OPCML: variants seen among roughly 807,000 people sequenced by gnomAD.
OPCML encodes opioid-binding protein/cell adhesion molecule.
Under a neutral mutation model 37.8 loss-of-function variants are expected in OPCML, and 13 were observed. That is an observed-to-expected ratio of 0.34 (90% CI 0.22 to 0.55). OPCML has a LOEUF of 0.55. Ranked by LOEUF, OPCML falls within the 20% of genes least tolerant of loss-of-function variation. The pLI, the probability that OPCML is intolerant of heterozygous loss-of-function variation, is 0.91. For missense variants in OPCML, 341 were observed against 435.6 expected, an observed-to-expected ratio of 0.78 and a Z score of 1.93; for synonymous variants, 176 against 168.8, an observed-to-expected ratio of 1.04 and a Z score of -0.33.
chr11:132,788,787 G>A (rs1027135997), intron 2 of OPCML, among the ~76,000 whole-genome samples: 1 of 152,190 alleles, frequency 6.6e-6, no homozygotes, highest in Non-Finnish European at 1.5e-5. Context: ...CTGGTAAGGG[G>A]CAGAGCTGAG....
chr11:132,495,718 C>T (rs572745016), intron 4 of OPCML, among the ~76,000 whole-genome samples: 166 of 152,002 alleles, frequency 1.1e-3, no homozygotes, highest in Non-Finnish European at 2.1e-3. Context: ...AGTGAAAACC[C>T]GTCTCCACTA....
chr11:133,323,371 C>T (rs1319008382), intron 1 of OPCML, among the ~76,000 whole-genome samples: 2 of 152,200 alleles, frequency 1.3e-5, no homozygotes, highest in African/African-American at 4.8e-5. Context: ...GATGAAATCA[C>T]TGCTTGGAAT....
intron 1 of OPCML, among the ~76,000 whole-genome samples, chr11:133,487,146 G>A (rs1357785510): frequency 6.6e-6 from 1 of 151,964 alleles, no homozygotes; most frequent in Non-Finnish European, 1.5e-5. Flanking sequence ...CTGGTAAATT[G>A]CAAATCAAAT....
At chr11:132,933,430 G>A (rs1301999636) in intron 2 of OPCML, among the ~76,000 whole-genome samples, 1 of 152,206 alleles carries the variant, frequency 6.6e-6, no homozygotes, top group African/African-American at 2.4e-5. Context: ...AGCAGGCAGA[G>A]AAAGGACAAG....
At chr11:132,652,648 G>A (rs7129456) in intron 3 of OPCML, among the ~76,000 whole-genome samples, 16,206 of 152,176 alleles carry the variant, frequency 0.11, 1,710 homozygotes, top group African/African-American at 0.28. Flanking sequence ...TGAGTCAAAG[G>A]TGACAAACAC....
chr11:133,297,226 G>C (rs975127812), intron 1 of OPCML: 3 of 152,160 alleles, frequency 2.0e-5, no homozygotes, highest in African/African-American at 7.2e-5. Context: ...AGAGAATAAG[G>C]TGGGTTAGAG....
In OPCML at chr11:132,435,517, C is replaced by G. The variant is rs75103628; in HGVS notation, c.916+569G>C. Among the ~76,000 whole-genome samples the G allele has an allele frequency of 1.1e-4, 16 of 152,304 alleles. No homozygotes were observed. In the East Asian group the frequency reaches 3.1e-3, roughly 29 times the overall value. On this transcript the variant is annotated intron_variant, in intron 7 of 7. Coordinates refer to ENST00000524381, the MANE Select transcript of OPCML (RefSeq NM_001012393.5). ...AAATGGAGTTAGGGAGACATAGGGG[C>G]TTTAAAGGAGGTCAGTCCTGGCTCC... is the stretch of plus-strand genomic sequence containing the variant.
intron 1 of OPCML, among the ~76,000 whole-genome samples, chr11:133,521,653 G>T (rs1418709037): frequency 6.6e-6 from 1 of 152,186 alleles, no homozygotes; most frequent in African/African-American, 2.4e-5. Context: ...AGTAAGACTG[G>T]GCACTCTCTC....
chr11:133,242,725 G>A (rs1168576236), intron 1 of OPCML, among the ~76,000 whole-genome samples: 1 of 152,216 alleles, frequency 6.6e-6, no homozygotes, highest in African/African-American at 2.4e-5. Flanking sequence ...ATGAATGTGA[G>A]AAAAGGGGAG....
rs556154586 is a variant in OPCML, at chr11:132,645,720, G to A, written c.379+11367C>T. Among the ~76,000 whole-genome samples, 76 of 152,278 alleles carry A rather than the reference G, an allele frequency of 5.0e-4. No homozygotes were observed. The Middle Eastern group carries it at 0.01, about 20-fold the overall frequency. The stretch of plus-strand genomic sequence containing the variant: ...TAGCAACTCTAAAATTGTGCAATAT[G>A]ATAGCTACTGGTCATGTGTGTCTAT... On this transcript the variant is annotated intron_variant, in intron 3 of 7. Coordinates refer to ENST00000524381, the MANE Select transcript of OPCML (RefSeq NM_001012393.5).
Position 132,770,966 on chromosome 11 carries a change from G to A in OPCML, c.147-113647C>T, listed in dbSNP as rs140897827. 7.6e-4 allele frequency among the ~76,000 whole-genome samples: 116 copies of A among 152,292 alleles called. No individual in the cohort carries two copies. The Middle Eastern group carries it at 0.01, about 13-fold the overall frequency. On this transcript the variant is annotated intron_variant, in intron 2 of 7. Coordinates refer to ENST00000524381, the MANE Select transcript of OPCML (RefSeq NM_001012393.5). ...TGACCCTTAAATCTCTGCCTGCCCA[G>A]AGAGCAGCAGCCCTCACTGTAGCTG...
chr11:133,083,300 C>G (rs562820386), intron 1 of OPCML, among the ~76,000 whole-genome samples: 1 of 152,162 alleles, frequency 6.6e-6, no homozygotes, highest in Non-Finnish European at 1.5e-5. Flanking sequence ...CTCCCAGACC[C>G]GACCCCTCTG....
intron 1 of OPCML, among the ~76,000 whole-genome samples, chr11:132,973,119 AC>A (rs1158831528): frequency 6.6e-6 from 1 of 152,082 alleles, no homozygotes; most frequent in Non-Finnish European, 1.5e-5. Flanking sequence ...TGACTTGACA[AC>A]CTTTTTCTCC....
At chr11:132,669,410 GGGAA>G (rs1942361430) in intron 2 of OPCML, among the ~76,000 whole-genome samples, 1 of 34,768 alleles carries the variant, frequency 2.9e-5, no homozygotes, top group South Asian at 8.3e-4. Flanking sequence ...CCATGGAAAA[GGGAA>G]AAGGGAAAAT....
rs535641316 is a variant in OPCML at position 132,877,611 on chromosome 11, T to C, written c.146+65315A>G. 3.3e-5 allele frequency among the ~76,000 whole-genome samples: 5 copies of C among 152,296 alleles called. No homozygotes were observed. The East Asian group carries it at 9.7e-4, about 29-fold the overall frequency. On this transcript the variant is annotated intron_variant, in intron 2 of 7. Coordinates refer to ENST00000524381, the MANE Select transcript of OPCML (RefSeq NM_001012393.5). ...AGGACCCTCAGATCCCTCTGGAGCA[T>C]CTCCTAGCTGGAGGTTTCAAGTCCT...
intron 3 of OPCML, among the ~76,000 whole-genome samples, chr11:132,576,161 CT>C (rs1033585962): frequency 2.0e-5 from 3 of 151,966 alleles, no homozygotes; most frequent in African/African-American, 7.2e-5. Context: ...TTACTTGTTA[CT>C]TTTTGGTATC....
intron 1 of OPCML, among the ~76,000 whole-genome samples, chr11:133,472,672 T>C (rs183608607): frequency 6.6e-6 from 1 of 151,984 alleles, no homozygotes; most frequent in Admixed American, 6.6e-5. Flanking sequence ...GATCCAGAAA[T>C]AGCCTGTGGC....
chr11:133,111,319 C>T (rs1949250585), intron 1 of OPCML, among the ~76,000 whole-genome samples: 1 of 152,300 alleles, frequency 6.6e-6, no homozygotes, highest in South Asian at 2.1e-4. Context: ...TATGTCCCTT[C>T]ACTGTAATTT....
intron 1 of OPCML, among the ~76,000 whole-genome samples, chr11:133,253,179 C>T (rs1941199418): frequency 1.3e-5 from 2 of 150,492 alleles, no homozygotes; most frequent in African/African-American, 4.9e-5. Context: ...AATAATCTTT[C>T]TCTTTTATAA....
Sources: allele counts gnomAD v4.1 joint callset (sites outside exome capture counted in the v4.1 genomes callset), GRCh38; gene constraint gnomAD v4.1.1; transcripts MANE v1.5; gene names NCBI Gene and HGNC (gene_info 2026-07-23, HGNC 2026-07-21).